The following ADAM22 variants were observed in gnomAD, a reference collection of about 807,000 sequenced individuals.
ADAM22 encodes the protein disintegrin and metalloproteinase domain-containing protein 22.
In ADAM22, 65 loss-of-function variants were observed where a neutral mutation model predicts 144.6. The observed-to-expected ratio is 0.45, with a 90% CI of 0.37 to 0.55. ADAM22 has a LOEUF of 0.55. Among genes scored for constraint, ADAM22 ranks in the 20% least tolerant of loss-of-function variants. The pLI is 0.00. For synonymous variants in ADAM22, 391 were observed against 412.6 expected (o/e 0.95, Z 0.63); for missense variants, 974 against 1,184.9 (o/e 0.82, Z 2.61).
chr7:88,139,891 T>C (rs1834107579), intron 14 of ADAM22, among the ~76,000 whole-genome samples: 1 of 152,174 alleles, frequency 6.6e-6, no homozygotes, highest in Non-Finnish European at 1.5e-5. Flanking sequence ...TATATTAGTT[T>C]GTTTTTCATT....
chr7:88,148,296 A>G (rs1007007270), intron 17 of ADAM22, among the ~76,000 whole-genome samples: 2 of 152,148 alleles, frequency 1.3e-5, no homozygotes, highest in South Asian at 2.1e-4. Context: ...TACTTTAACT[A>G]TATATCTCAG....
intron 3 of ADAM22, among the ~76,000 whole-genome samples, chr7:88,051,146 T>C (rs1806222663): frequency 6.6e-6 from 1 of 152,204 alleles, no homozygotes; most frequent in Non-Finnish European, 1.5e-5. Flanking sequence ...AGTGTGGCAA[T>C]TCCTCAAGGA....
intron 4 of ADAM22, among the ~76,000 whole-genome samples, chr7:88,080,384 A>G (rs573951614): frequency 6.6e-6 from 1 of 152,218 alleles, no homozygotes; most frequent in Non-Finnish European, 1.5e-5. Flanking sequence ...AATGTCCACA[A>G]GAGAAAGCAG....
At chr7:88,113,311 A>G (rs776418445) in intron 5 of ADAM22, among the ~76,000 whole-genome samples, 2 of 151,508 alleles carry the variant, frequency 1.3e-5, no homozygotes, top group Non-Finnish European at 2.9e-5. Flanking sequence ...TTCAAAATAT[A>G]TCTGGAATTT....
chr7:87,947,184 A>G (rs1179561132), intron 2 of ADAM22, among the ~76,000 whole-genome samples: 1 of 152,220 alleles, frequency 6.6e-6, no homozygotes, highest in African/African-American at 2.4e-5. Flanking sequence ...AAACCTGCAC[A>G]TGTATCCCTT....
intron 3 of ADAM22, among the ~76,000 whole-genome samples, chr7:88,059,670 A>G (rs543117214): frequency 6.6e-6 from 1 of 152,220 alleles, no homozygotes; most frequent in Non-Finnish European, 1.5e-5. Flanking sequence ...TACACCATGG[A>G]ATACTATGCA....
rs187530358 is a variant in ADAM22, at chr7:88,030,977, G to A, written c.324-44649G>A. ...TAAAAATACAAAAAATTAGCCGGGC[G>A]TGGTGGCGGGCACCTGTAGTCCCAG... On this transcript the variant is annotated intron_variant, in intron 3 of 31. Coordinates refer to ENST00000413139, the MANE Select transcript of ADAM22 (RefSeq NM_001324418.2). 2.7e-3 allele frequency among the ~76,000 whole-genome samples: 405 copies of A among 152,200 alleles called. 1 individual carries two copies. Among genetic ancestry groups the A allele is most frequent in the African/African-American group, 5.9e-3 (244 of 41,538 alleles).
intron 3 of ADAM22, among the ~76,000 whole-genome samples, chr7:88,050,453 CAG>C (rs915816625): frequency 2.1e-4 from 26 of 123,946 alleles, no homozygotes; most frequent in Non-Finnish European, 5.0e-5. Context: ...AGAAAATGCC[CAG>C]AGTCAGTCTT....
intron 3 of ADAM22, among the ~76,000 whole-genome samples, chr7:88,065,555 T>C (rs981245245): frequency 7.9e-5 from 12 of 152,064 alleles, no homozygotes; most frequent in African/African-American, 2.9e-4. Context: ...GCTAGCGTCT[T>C]CATAATGTAT....
At chr7:87,942,598 A>G (rs1241764122) in intron 2 of ADAM22, among the ~76,000 whole-genome samples, 2 of 152,350 alleles carry the variant, frequency 1.3e-5, no homozygotes, top group East Asian at 3.9e-4. Context: ...AAAGTTAGAC[A>G]ATAGTGAAGA....
intron 17 of ADAM22, 134 bp from the exon 18 acceptor site, chr7:88,148,842 GT>G (rs1837392922): frequency 1.6e-6 from 1 of 623,838 alleles, no homozygotes; most frequent in Admixed American, 3.2e-5. Flanking sequence ...AGTAACTGTG[GT>G]TTTGACAGAT....
At chr7:88,182,498 C>T (rs977513227) in intron 29 of ADAM22, among the ~76,000 whole-genome samples, 22 of 152,178 alleles carry the variant, frequency 1.4e-4, no homozygotes, top group African/African-American at 5.3e-4. Context: ...AGCATTCTCT[C>T]AGACTAATGG....
At chr7:88,050,801 C>G (rs151086850) in intron 3 of ADAM22, among the ~76,000 whole-genome samples, 4,510 of 152,232 alleles carry the variant, frequency 0.03, 213 homozygotes, top group African/African-American at 0.1. Context: ...TTCTCCCATT[C>G]TGTAGGTTGC....
intron 26 of ADAM22, 53 bp from the exon 27 acceptor site, chr7:88,178,882 G>C: frequency 8.8e-7 from 1 of 1,131,060 alleles, no homozygotes. Context: ...GTATATGTCT[G>C]TGTTCATGTG....
chr7:88,179,152 T>TCTTGAATGTTAAAAAATAGTA, intron 27 of ADAM22, 23 bp downstream of exon 27: 1 of 863,996 alleles, frequency 1.2e-6, no homozygotes, highest in South Asian at 1.5e-5. Flanking sequence ...CTTCCTTCTT[T>TCTTGAATGTTAAAAAATAGTA]CTTGAATGTT....
At chr7:88,114,465 G>A in intron 5 of ADAM22, 119 bp from the exon 6 acceptor site, 1 of 817,486 alleles carries the variant, frequency 1.2e-6, no homozygotes, top group South Asian at 1.5e-5. Flanking sequence ...GTGATGGATG[G>A]GACTGGGAAA....
rs1206941490 is a variant in ADAM22, at chr7:88,180,882, G to C, written c.2496-623G>C. 2.0e-5 allele frequency among the ~76,000 whole-genome samples: 3 copies of C among 152,214 alleles called. No individual in the cohort carries two copies. The East Asian group carries it at 5.8e-4, about 29-fold the overall frequency. Reference sequence around the variant, plus strand: ...AGCAGGTGGGCTCAATGGTACATGGGCTTTGTGAGAGGCACTGTCATGATA... The same window carrying C: ...AGCAGGTGGGCTCAATGGTACATGGCCTTTGTGAGAGGCACTGTCATGATA... On this transcript the variant is annotated intron_variant, in intron 27 of 31. Coordinates refer to ENST00000413139, the MANE Select transcript of ADAM22 (RefSeq NM_001324418.2).
chr7:88,136,182 G>T (rs1035465440), intron 14 of ADAM22, 151 bp downstream of exon 14: 7 of 537,170 alleles, frequency 1.3e-5, no homozygotes, highest in South Asian at 6.3e-5. Context: ...AAAAACAATT[G>T]ATGTCAATTA....
chr7:88,061,793 G>T (rs997050123), intron 3 of ADAM22, among the ~76,000 whole-genome samples: 3 of 150,622 alleles, frequency 2.0e-5, no homozygotes, highest in Non-Finnish European at 4.4e-5. Flanking sequence ...AGCTGCATTA[G>T]CCCTAAACAA....
Sources: allele counts gnomAD v4.1 joint callset (sites outside exome capture counted in the v4.1 genomes callset), GRCh38; gene constraint gnomAD v4.1.1; transcripts MANE v1.5; gene names NCBI Gene and HGNC (gene_info 2026-07-23, HGNC 2026-07-21).